The following CFAP418 variants were observed in gnomAD, a reference collection of about 807,000 sequenced individuals.
The protein encoded by CFAP418 is cilia- and flagella-associated protein 418.
In CFAP418, 27 loss-of-function variants were observed where a neutral mutation model predicts 24.7. The ratio of observed to expected loss-of-function variants is 1.09; its 90% CI spans 0.81 to 1.51. The LOEUF is 1.51. Ranked by LOEUF, CFAP418 falls within the 40% of genes most tolerant of loss-of-function variation. The pLI, the probability that CFAP418 is intolerant of heterozygous loss-of-function variation, is 0.00. For synonymous variants in CFAP418, 74 were observed against 87.3 expected, an observed-to-expected ratio of 0.85 and a Z score of 0.85; for missense variants, 257 against 255.2, an observed-to-expected ratio of 1.01 and a Z score of -0.05.
chr8:95,264,528 T>C (rs1811943645), intron 1 of CFAP418, among the ~76,000 whole-genome samples: 1 of 152,166 alleles, frequency 6.6e-6, no homozygotes, highest in African/African-American at 2.4e-5. Flanking sequence ...CAAGGTCATA[T>C]AAGTAGTGGG....
At chr8:95,257,145 G>A (rs1811803172) in intron 4 of CFAP418, among the ~76,000 whole-genome samples, 1 of 152,144 alleles carries the variant, frequency 6.6e-6, no homozygotes, top group Admixed American at 6.5e-5. Flanking sequence ...GTGGCTCATG[G>A]GTGACTTGAG....
intron 4 of CFAP418, 104 bp downstream of exon 4, chr8:95,259,736 C>T: frequency 4.8e-6 from 4 of 837,892 alleles, no homozygotes; most frequent in East Asian, 2.8e-5. Context: ...AATACCTCTC[C>T]TTATAAAACA....
rs1811638993 is a variant in CFAP418 at position 95,247,388 on chromosome 8, T to C, written c.*229A>G. ...AAGACAGATTAGTAAAGAATGTAGA[T>C]GCCTGTTACTAAGTGAAACATCCAT... On this transcript the variant is annotated 3_prime_UTR_variant, in exon 6 of 6. Transcript: ENST00000286688. 5.7e-6 allele frequency: 3 copies of C among 523,994 alleles called. No individual in the cohort carries two copies. Among genetic ancestry groups the C allele is most frequent in the Non-Finnish European group, 1.0e-5 (3 of 296,160 alleles). 32.5% of individuals were successfully genotyped at this position (523,994 alleles called of 1,614,324 possible).
intron 1 of CFAP418, among the ~76,000 whole-genome samples, chr8:95,266,564 A>C (rs1205567695): frequency 6.6e-6 from 1 of 152,222 alleles, no homozygotes; most frequent in Non-Finnish European, 1.5e-5. Flanking sequence ...TCCTGTCAAT[A>C]AATTCAAACA....
intron 4 of CFAP418, among the ~76,000 whole-genome samples, chr8:95,253,146 A>G (rs2132155971): frequency 6.6e-6 from 1 of 152,126 alleles, no homozygotes; most frequent in East Asian, 1.9e-4. Context: ...CATCTCTACT[A>G]AAAATACAAA....
intron 4 of CFAP418, 90 bp from the exon 5 acceptor site, chr8:95,252,373 C>T: frequency 1.3e-6 from 1 of 749,322 alleles, no homozygotes; most frequent in Non-Finnish European, 2.2e-6. Flanking sequence ...GGATACACCA[C>T]ATATTACAGA....
At position 95,252,306 on chromosome 8, in the gene CFAP418, A is replaced by T. The variant is rs377689407; in HGVS notation, c.375-23T>A. The T allele has an allele frequency of 2.7e-6, 4 of 1,502,164 alleles. No homozygotes were observed. The Admixed American group carries it at 7.0e-5, about 26-fold the overall frequency. The allele number at this position is 1,502,164 out of a possible 1,614,324, so 93.1% of individuals were successfully genotyped here. ...GCTCTGTTCAGAGAAAAAAAATTGT[A>T]TATTAAAGATTATTGGTATCTTTAA... On this transcript the variant is annotated intron_variant, in intron 4 of 5. Transcript: ENST00000286688.
At chr8:95,253,555 C>G (rs1360496011) in intron 4 of CFAP418, among the ~76,000 whole-genome samples, 11 of 152,028 alleles carry the variant, frequency 7.2e-5, no homozygotes, top group African/African-American at 9.7e-5. Flanking sequence ...AATGCAAATA[C>G]TTTTGGCCTG....
In CFAP418 at chr8:95,259,867, CATGGA is replaced by C; in HGVS notation, c.342_346del (p.Ile114MetfsTer13). 6.2e-7 allele frequency: 1 copy of C among 1,609,758 alleles called. No individual in the cohort carries two copies. Among genetic ancestry groups the C allele is most frequent in the South Asian group, 1.1e-5 (1 of 89,816 alleles). The stretch of plus-strand genomic sequence containing the variant: ...CCATGAAATATTTGTTCCAATCCCA[CATGGA>C]ATAGAGCTTCCACCAAGGTACACCG... On this transcript the variant is annotated frameshift_variant, in exon 4 of 6. Transcript: ENST00000286688. LOFTEE classifies it high-confidence loss of function.
chr8:95,269,004 C>G (rs1217472661), intron 1 of CFAP418, 31 bp downstream of exon 1: 27 of 1,607,882 alleles, frequency 1.7e-5, no homozygotes, highest in East Asian at 2.2e-5. Flanking sequence ...AGGGCTTTAC[C>G]AGAACAGTCC....
At chr8:95,258,526 T>TA (rs559932582) in intron 4 of CFAP418, among the ~76,000 whole-genome samples, 3 of 151,038 alleles carry the variant, frequency 2.0e-5, no homozygotes, top group Non-Finnish European at 4.4e-5. Context: ...GTTAAAAAAA[T>TA]AAAAAAATTT....
At chr8:95,261,995 A>G (rs1811900768) in intron 2 of CFAP418, among the ~76,000 whole-genome samples, 2 of 152,242 alleles carry the variant, frequency 1.3e-5, no homozygotes, top group African/African-American at 4.8e-5. Context: ...TTTAGGAAGT[A>G]TTCTATTTGC....
chr8:95,269,049 C>T lies in CFAP418; in HGVS notation c.141G>A (p.Ala47=), dbSNP rs760213394. The change falls in exon 1 of 6, where the codon GCG becomes GCA. Residue 47 remains alanine (A), a synonymous_variant. Transcript: ENST00000286688. ...GCCCGGTTAACCTGAGCGTCTCTTT[C>T]GCCTTGGCTTGGTTCCGGTCGCTAC... ...THSSDRNQAK[A]KETLRSTETF... The T allele has an allele frequency of 3.1e-6, 5 of 1,613,946 alleles. No homozygotes were observed. The African/African-American group carries it at 4.0e-5, about 13-fold the overall frequency.
At chr8:95,248,176 C>A (rs1811656558) in intron 5 of CFAP418, among the ~76,000 whole-genome samples, 1 of 152,162 alleles carries the variant, frequency 6.6e-6, no homozygotes, top group African/African-American at 2.4e-5. Context: ...GAACACTAAA[C>A]AACCTAGATC....
intron 5 of CFAP418, among the ~76,000 whole-genome samples, chr8:95,249,320 C>T (rs188126015): frequency 5.9e-5 from 9 of 152,290 alleles, no homozygotes; most frequent in Admixed American, 2.0e-4. Flanking sequence ...TTTTCTTCAG[C>T]TGTTGTGGCA....
At chr8:95,267,568 G>A (rs1234793262) in intron 1 of CFAP418, among the ~76,000 whole-genome samples, 2 of 152,160 alleles carry the variant, frequency 1.3e-5, no homozygotes, top group Admixed American at 6.5e-5. Flanking sequence ...CAGCCTGGGC[G>A]ACAGAGCGAA....
At chr8:95,252,669 C>T (rs755301472) in intron 4 of CFAP418, among the ~76,000 whole-genome samples, 11 of 152,124 alleles carry the variant, frequency 7.2e-5, no homozygotes, top group African/African-American at 2.4e-4. Flanking sequence ...ATATCTCTAC[C>T]GAAGAATATG....
intron 3 of CFAP418, 105 bp downstream of exon 3, chr8:95,260,363 G>T: frequency 1.2e-6 from 1 of 811,704 alleles, no homozygotes; most frequent in Non-Finnish European, 2.0e-6. Context: ...CCAATGCTTT[G>T]TTGTTCAATG....
At chr8:95,264,006 T>G (rs1416752387) in intron 1 of CFAP418, among the ~76,000 whole-genome samples, 1 of 152,210 alleles carries the variant, frequency 6.6e-6, no homozygotes, top group Non-Finnish European at 1.5e-5. Context: ...ATTACATACT[T>G]CAGACATTTA....
Sources: gnomAD v4.1 joint callset for allele counts (sites outside exome capture counted in the v4.1 genomes callset) on GRCh38, gnomAD v4.1.1 for gene constraint, MANE v1.5 for transcripts, NCBI Gene and HGNC (gene_info 2026-07-23, HGNC 2026-07-21) for gene names.